RAB38: variants seen among roughly 807,000 people sequenced by gnomAD.
The protein encoded by RAB38 is RAB38, member RAS oncogene family, also known as ras-related protein Rab-38.
RAB38 carries 15 observed loss-of-function variants against 18.4 expected under a neutral mutation model. The ratio of observed to expected loss-of-function variants is 0.82; its 90% CI spans 0.55 to 1.26. The LOEUF (loss-of-function observed/expected upper bound fraction) is 1.26. Among genes scored for constraint, RAB38 ranks in the 50% most tolerant of loss-of-function variants. The pLI is 0.00. For missense variants in RAB38, 294 were observed against 267.4 expected, an observed-to-expected ratio of 1.10 and a Z score of -0.69; for synonymous variants, 101 against 104.4, an observed-to-expected ratio of 0.97 and a Z score of 0.20.
At chr11:88,155,745 G>A (rs2134836556) in intron 1 of RAB38, among the ~76,000 whole-genome samples, 1 of 152,300 alleles carries the variant, frequency 6.6e-6, no homozygotes, top group Non-Finnish European at 1.5e-5. Context: ...TTGCAAGGCA[G>A]CTCAATGAGA....
the RAB38 span, among the ~76,000 whole-genome samples, chr11:88,003,815 ATATATAAT>A: frequency 0.15 from 26 of 172 alleles, 2 homozygotes; most frequent in African/African-American, 0.25. Context: ...ATTATATATA[ATATATAAT>A]AGATTGTATA....
intron 2 of RAB38, among the ~76,000 whole-genome samples, chr11:88,140,340 C>T (rs1390157782): frequency 6.6e-6 from 1 of 152,222 alleles, no homozygotes; most frequent in Non-Finnish European, 1.5e-5. Flanking sequence ...TGCTTCTACA[C>T]AGTTATCTAA....
At chr11:88,083,749 A>G in the RAB38 span, among the ~76,000 whole-genome samples, 1 of 151,964 alleles carries the variant, frequency 6.6e-6, no homozygotes, top group East Asian at 1.9e-4. Flanking sequence ...GCCTTCTGCC[A>G]TACAAGGAAA....
the RAB38 span, among the ~76,000 whole-genome samples, chr11:87,825,403 A>C: frequency 1.3e-5 from 2 of 152,070 alleles, no homozygotes; most frequent in East Asian, 1.9e-4. Flanking sequence ...GGAGGTGGGA[A>C]GTCCTTAAGG....
chr11:87,807,167 A>G, the RAB38 span, among the ~76,000 whole-genome samples: 2 of 152,192 alleles, frequency 1.3e-5, no homozygotes, highest in African/African-American at 4.8e-5. Context: ...TCCCAAGACC[A>G]TCCCCCACAA....
At chr11:88,053,817 C>G in the RAB38 span, among the ~76,000 whole-genome samples, 1 of 146,354 alleles carries the variant, frequency 6.8e-6, no homozygotes, top group African/African-American at 2.5e-5. Context: ...ATTTTTTCCT[C>G]ATAGCAAAGT....
chr11:88,173,055 T>C (rs1161441556), intron 1 of RAB38, among the ~76,000 whole-genome samples: 1 of 152,228 alleles, frequency 6.6e-6, no homozygotes. Flanking sequence ...GCAACTTCAG[T>C]CTACAAAACA....
the RAB38 span, among the ~76,000 whole-genome samples, chr11:87,835,921 C>T: frequency 9.2e-5 from 14 of 152,194 alleles, no homozygotes; most frequent in African/African-American, 3.1e-4. Flanking sequence ...CCTGATTCTT[C>T]AATTTTACCC....
At chr11:87,901,895 A>G in the RAB38 span, among the ~76,000 whole-genome samples, 1 of 149,648 alleles carries the variant, frequency 6.7e-6, no homozygotes, top group South Asian at 2.1e-4. Context: ...ATTATTTGCT[A>G]CATTGAATTT....
chr11:88,027,666 G>C, the RAB38 span, among the ~76,000 whole-genome samples: 1 of 131,526 alleles, frequency 7.6e-6, no homozygotes. Context: ...AGCGAGGCTG[G>C]GGGAGGGGCG....
chr11:87,858,585 T>G, the RAB38 span, among the ~76,000 whole-genome samples: 1 of 152,040 alleles, frequency 6.6e-6, no homozygotes, highest in Admixed American at 6.6e-5. Flanking sequence ...CACAAAAAAT[T>G]TATTCAAGAC....
the RAB38 span, among the ~76,000 whole-genome samples, chr11:88,053,634 A>T: frequency 6.6e-6 from 1 of 151,872 alleles, no homozygotes; most frequent in Non-Finnish European, 1.5e-5. Context: ...GGGAAATAAA[A>T]GTTAAAACCA....
chr11:88,049,516 C>T, the RAB38 span, among the ~76,000 whole-genome samples: 2 of 152,230 alleles, frequency 1.3e-5, no homozygotes, highest in East Asian at 3.9e-4. Flanking sequence ...CGGCCCCACC[C>T]CTGTCTCCCT....
chr11:87,874,506 G>A, the RAB38 span, among the ~76,000 whole-genome samples: 1 of 151,304 alleles, frequency 6.6e-6, no homozygotes, highest in African/African-American at 2.4e-5. Flanking sequence ...TTGTGGGGTC[G>A]GGGGAGAGGG....
chr11:88,060,219 C>G, the RAB38 span: 1 of 152,184 alleles, frequency 6.6e-6, no homozygotes, highest in Admixed American at 6.5e-5. Flanking sequence ...CTCCAGAGAA[C>G]AGCCTGTGTC....
At chr11:87,841,558 G>T in the RAB38 span, among the ~76,000 whole-genome samples, 1 of 152,126 alleles carries the variant, frequency 6.6e-6, no homozygotes, top group African/African-American at 2.4e-5. Context: ...ATCCCTTCCA[G>T]CAGAAGAGTG....
At chr11:88,100,139 T>C in the RAB38 span, 1 of 151,812 alleles carries the variant, frequency 6.6e-6, no homozygotes. Context: ...TTTTTGATAG[T>C]TTTCCTTAAT....
intron 2 of RAB38, among the ~76,000 whole-genome samples, chr11:88,129,817 A>C (rs900173989): frequency 7.2e-5 from 11 of 152,238 alleles, no homozygotes; most frequent in African/African-American, 2.7e-4. Flanking sequence ...TTAACAGTTA[A>C]ATGAATTAGT....
At chr11:87,873,194 A>G in the RAB38 span, among the ~76,000 whole-genome samples, 2 of 151,540 alleles carry the variant, frequency 1.3e-5, no homozygotes, top group African/African-American at 4.8e-5. Flanking sequence ...ATCCCTTAGT[A>G]ATATATGATG....
Sources: allele counts gnomAD v4.1 joint callset (sites outside exome capture counted in the v4.1 genomes callset), GRCh38; gene constraint gnomAD v4.1.1; transcripts MANE v1.5; gene names NCBI Gene and HGNC (gene_info 2026-07-23, HGNC 2026-07-21).